PPP2R5B: variants seen among roughly 807,000 people sequenced by gnomAD.
The protein encoded by PPP2R5B is serine/threonine-protein phosphatase 2A 56 kDa regulatory subunit beta isoform.
A neutral mutation model predicts 59.9 loss-of-function variants in PPP2R5B; 19 were observed. The observed-to-expected ratio is 0.32, with a 90% CI of 0.22 to 0.47. PPP2R5B has a LOEUF of 0.47. PPP2R5B is among the 20% of genes least tolerant of loss of function. PPP2R5B has a pLI of 1.00. For missense variants in PPP2R5B, 441 were observed against 640.2 expected (o/e 0.69, Z 3.36); for synonymous variants, 286 against 260.5 (o/e 1.10, Z -0.94).
chr11:64,921,080 C>T (rs944437345), upstream of PPP2R5B, among the ~76,000 whole-genome samples: 3 of 151,632 alleles, frequency 2.0e-5, no homozygotes, highest in Non-Finnish European at 4.4e-5. Flanking sequence ...TCAGCCTCCC[C>T]GAGTAGCTGG....
At chr11:64,917,875 C>T (rs141024789) in intron 1 of PPP2R5B, among the ~76,000 whole-genome samples, 17 of 152,320 alleles carry the variant, frequency 1.1e-4, no homozygotes, top group African/African-American at 4.1e-4. Context: ...GGGAGATTAA[C>T]TGACCCTCCC....
rs199949257 is a variant in PPP2R5B at position 64,925,753 on chromosome 11, C to G, written c.19C>G (p.Pro7Ala). METKLPPASTPTSPSSP... is the reference protein window; with the variant it reads METKLPAASTPTSPSSP... ...GACCGCCATGGAGACGAAGCTGCCC[C>G]CTGCAAGCACCCCCACTAGCCCCTC... Residue 7 changes from proline to alanine, a missense_variant, in exon 2 of 14, where the codon CCT (proline) becomes GCT (alanine). Physicochemically the swap from Pro to Ala is conservative, Grantham distance 27. Coordinates refer to ENST00000164133, the MANE Select transcript of PPP2R5B (RefSeq NM_006244.4). This position sits in a 1 kb window ranked among gnomAD's most constrained non-coding sequence, Gnocchi z 4.6. 3.1e-6 allele frequency: 5 copies of G among 1,594,166 alleles called. No homozygotes were observed. The Admixed American group carries it at 6.8e-5, about 22-fold the overall frequency.
chr11:64,921,791 A>G (rs1372935805), upstream of PPP2R5B, among the ~76,000 whole-genome samples: 1 of 152,202 alleles, frequency 6.6e-6, no homozygotes, highest in Non-Finnish European at 1.5e-5. Flanking sequence ...AGCAAACTTC[A>G]TCTATAAATA....
chr11:64,927,966 G>C lies in PPP2R5B; in HGVS notation c.498+63G>C, dbSNP rs1370024730. 9 of 1,565,288 alleles carry C rather than the reference G, an allele frequency of 5.7e-6. No homozygotes were observed. In the East Asian group the frequency reaches 2.0e-4, roughly 35 times the overall value. ...GAAGAGATCCAAGGCATGGGGAGAG[G>C]GCCTCCTTAGCCCCTAGACAGTTGG... On this transcript the variant is annotated intron_variant, in intron 4 of 13. Transcript: ENST00000164133.
rs1211746228 is a variant in PPP2R5B, at chr11:64,926,848, G to A, written c.336G>A (p.Glu112=). Residue 112 remains glutamate (E), a synonymous_variant, in exon 3 of 14, where the codon GAG becomes GAA. Coordinates refer to ENST00000164133, the MANE Select transcript of PPP2R5B (RefSeq NM_006244.4). The part of the protein sequence containing the change: ...VKRAALNELV[E]CVGSTRGVLI... ...GGGCAGCCCTCAACGAGCTGGTGGA[G>A]TGTGTGGGGAGCACCCGGGGTGTCC... 1 of 1,614,210 alleles carries A rather than the reference G, an allele frequency of 6.2e-7. No individual in the cohort carries two copies. The highest frequency in any genetic ancestry group is 2.2e-5 in the East Asian group (1 of 44,886).
chr11:64,917,884 C>A (rs1379453045), intron 1 of PPP2R5B, among the ~76,000 whole-genome samples: 1 of 152,170 alleles, frequency 6.6e-6, no homozygotes, highest in East Asian at 1.9e-4. Context: ...ACTGACCCTC[C>A]CTTCTCTCTG....
chr11:64,928,666 A>T (rs1254148492), intron 6 of PPP2R5B, among the ~76,000 whole-genome samples: 1 of 152,244 alleles, frequency 6.6e-6, no homozygotes, highest in Non-Finnish European at 1.5e-5. Flanking sequence ...AATTCCAGCT[A>T]CTTGGGACGC....
chr11:64,927,503 G>T (rs1445755609), intron 3 of PPP2R5B, among the ~76,000 whole-genome samples: 1 of 152,188 alleles, frequency 6.6e-6, no homozygotes, highest in East Asian at 1.9e-4. Flanking sequence ...TTGAGGCAAG[G>T]GGTTCAAGAC....
Position 64,933,989 on chromosome 11 carries a change from C to A in PPP2R5B, c.*145C>A. ...GACTCCCTGCCCAGCCCAGCTTTCA[C>A]TGGGGGGAGACGAGGAGAGGCAATG... On this transcript the variant is annotated 3_prime_UTR_variant, in exon 14 of 14. Transcript: ENST00000164133. 9.7e-7 allele frequency: 1 copy of A among 1,035,948 alleles called. No individual in the cohort carries two copies. The highest frequency in any genetic ancestry group is 1.3e-6 in the Non-Finnish European group (1 of 766,546). The allele number at this position is 1,035,948 out of a possible 1,614,324, so 64.2% of individuals were successfully genotyped here. A position where few individuals can be genotyped will look rare whatever the true frequency, so the allele number is the denominator to read the frequency against.
chr11:64,920,214 C>T (rs1055404836), upstream of PPP2R5B, among the ~76,000 whole-genome samples: 1 of 152,186 alleles, frequency 6.6e-6, no homozygotes, highest in South Asian at 2.1e-4. Flanking sequence ...AAAAGTTATC[C>T]TTTCTAGGCC....
Position 64,925,742 on chromosome 11 carries a change from C to T in PPP2R5B, c.8C>T (p.Thr3Met), listed in dbSNP as rs772148043. ME[T>M]KLPPASTPTS... ...CCCTGCCGCCTGACCGCCATGGAGA[C>T]GAAGCTGCCCCCTGCAAGCACCCCC... Residue 3 changes from threonine to methionine, a missense_variant, in exon 2 of 14, where the codon ACG becomes ATG. By Grantham distance (81) the Thr-to-Met change is moderately conservative (BLOSUM62 -1). This residue lies in a region of PPP2R5B where 103 missense variants were observed against 87.9 expected (regional missense o/e 1.17). Transcript: ENST00000164133. The surrounding 1 kb of genome is among the most constrained non-coding windows in gnomAD (Gnocchi z 4.6). 2.2e-5 allele frequency: 35 copies of T among 1,589,684 alleles called. No homozygotes were observed. The highest frequency in any genetic ancestry group is 2.0e-4 in the Admixed American group (12 of 58,896).
In PPP2R5B at chr11:64,934,109, C is replaced by T. The variant is rs755755139; in HGVS notation, c.*265C>T. 13 of 413,516 alleles carry T rather than the reference C, an allele frequency of 3.1e-5. No homozygotes were observed. The highest frequency in any genetic ancestry group is 6.5e-4 in the Middle Eastern group (1 of 1,544). The allele number at this position is 413,516 out of a possible 1,614,324, so 25.6% of individuals were successfully genotyped here. A position where few individuals can be genotyped will look rare whatever the true frequency, so the allele number is the denominator to read the frequency against. The stretch of plus-strand genomic sequence containing the variant: ...TGCCATCAGGGATCTTCCCCTGCCC[C>T]GCAAAGCTAGGCTCCAGCTGCAGGC... On this transcript the variant is annotated 3_prime_UTR_variant, in exon 14 of 14. Coordinates refer to ENST00000164133, the MANE Select transcript of PPP2R5B (RefSeq NM_006244.4).
At position 64,925,621 on chromosome 11, in the gene PPP2R5B, C is replaced by CCA. The variant is rs1554968366; in HGVS notation, c.-113_-112insAC. ...GCCCAGGACTGTGGTTGTGCCCCCC[C>CCA]CCCAAAGGCCGGACAGGATGGGACC... On this transcript the variant is annotated 5_prime_UTR_variant, in exon 2 of 14. Coordinates refer to ENST00000164133, the MANE Select transcript of PPP2R5B (RefSeq NM_006244.4). The surrounding 1 kb of genome is among the most constrained non-coding windows in gnomAD (Gnocchi z 4.6). 9 of 549,212 alleles carry CCA rather than the reference C, an allele frequency of 1.6e-5. 1 individual carries two copies. The highest frequency in any genetic ancestry group is 2.3e-5 in the Non-Finnish European group (7 of 309,180). The allele number at this position is 549,212 out of a possible 1,614,324, so 34.0% of individuals were successfully genotyped here.
upstream of PPP2R5B, chr11:64,924,379 C>A: frequency 6.6e-6 from 1 of 152,492 alleles, no homozygotes; most frequent in Non-Finnish European, 1.5e-5. Context: ...TGCTGCGACT[C>A]CTTCCTGTCA....
Position 64,931,810 on chromosome 11 carries a change from A to C in PPP2R5B, c.1058A>C (p.Lys353Thr). 1.9e-6 allele frequency: 3 copies of C among 1,614,188 alleles called. No homozygotes were observed. The highest frequency in any genetic ancestry group is 2.5e-6 in the Non-Finnish European group (3 of 1,180,032). ...GTCATCGAGCCCTCCCAGTTTGTGA[A>C]GATCCAGGAGCCCCTTTTTAAGCAG... Reference protein sequence around the residue: ...LDVIEPSQFVKIQEPLFKQVA... With the variant: ...LDVIEPSQFVTIQEPLFKQVA... The change falls in exon 11 of 14, where the codon AAG becomes ACG. Residue 353 changes from lysine (K) to threonine (T), a missense_variant. Coordinates refer to ENST00000164133, the MANE Select transcript of PPP2R5B (RefSeq NM_006244.4). The surrounding 1 kb of genome is among the most constrained non-coding windows in gnomAD (Gnocchi z 5.0).
At chr11:64,926,591 C>T in intron 2 of PPP2R5B, 121 bp from the exon 3 acceptor site, 1 of 1,058,670 alleles carries the variant, frequency 9.4e-7, no homozygotes. Context: ...GGAGATGGCA[C>T]AAGAGCATGG....
At chr11:64,932,665 G>A (rs1945239478) in intron 11 of PPP2R5B, 100 bp from the exon 12 acceptor site, 1 of 1,469,824 alleles carries the variant, frequency 6.8e-7, no homozygotes, top group African/African-American at 1.4e-5. Flanking sequence ...GGTGTGTGAA[G>A]GTCAGGGGGC....
intron 3 of PPP2R5B, 68 bp from the exon 4 acceptor site, chr11:64,927,734 G>T: frequency 2.6e-4 from 262 of 1,014,572 alleles, no homozygotes; most frequent in Non-Finnish European, 3.6e-4. Flanking sequence ...AAAAAGCTTT[G>T]AATGAGAGAC....
chr11:64,931,973 G>A lies in PPP2R5B; in HGVS notation c.1116+105G>A. ...CCCTCAGTTTCTCCTCCAATCCCGG[G>A]TCTGGTAATGGGGAGATGCTGGACT... On this transcript the variant is annotated intron_variant, in intron 11 of 13. Coordinates refer to ENST00000164133, the MANE Select transcript of PPP2R5B (RefSeq NM_006244.4). The surrounding 1 kb of genome is among the most constrained non-coding windows in gnomAD (Gnocchi z 5.0). The A allele has an allele frequency of 6.6e-7, 1 of 1,510,884 alleles. No individual in the cohort carries two copies. The highest frequency in any genetic ancestry group is 1.3e-5 in the South Asian group (1 of 77,550). 93.6% of individuals were successfully genotyped at this position (1,510,884 alleles called of 1,614,324 possible).
Sources: allele counts gnomAD v4.1 joint callset (sites outside exome capture counted in the v4.1 genomes callset), GRCh38; gene constraint gnomAD v4.1.1; regional missense constraint gnomAD v4.1.1; non-coding constraint Gnocchi (gnomAD v3.1); transcripts MANE v1.5; gene names NCBI Gene and HGNC (gene_info 2026-07-23, HGNC 2026-07-21).